PDE3B: variants seen among roughly 807,000 people sequenced by gnomAD.
PDE3B encodes cGMP-inhibited 3',5'-cyclic phosphodiesterase 3B.
A neutral mutation model predicts 116.8 loss-of-function variants in PDE3B; 66 were observed. The ratio of observed to expected loss-of-function variants is 0.56; its 90% CI spans 0.46 to 0.69. The LOEUF (loss-of-function observed/expected upper bound fraction) is 0.69, where lower values mean the gene tolerates loss of function less well. Ranked by LOEUF, PDE3B falls within the 30% of genes least tolerant of loss-of-function variation. The pLI, the probability that PDE3B is intolerant of heterozygous loss-of-function variation, is 0.00. For missense variants in PDE3B, 1,384 were observed against 1,368.1 expected (o/e 1.01, Z -0.18); for synonymous variants, 595 against 533.6 (o/e 1.12, Z -1.59).
chr11:14,811,697 T>C (rs1859137490), intron 5 of PDE3B, among the ~76,000 whole-genome samples: 1 of 152,010 alleles, frequency 6.6e-6, no homozygotes, highest in South Asian at 2.1e-4. Context: ...GGTAGCTTGA[T>C]GGGGATGGCA....
intron 1 of PDE3B, among the ~76,000 whole-genome samples, chr11:14,695,454 T>C (rs1855178651): frequency 6.6e-6 from 1 of 152,198 alleles, no homozygotes; most frequent in Non-Finnish European, 1.5e-5. Flanking sequence ...ACTAATTTTG[T>C]TGGCTATATA....
At position 14,861,350 on chromosome 11, in the gene PDE3B, A is replaced by G; in HGVS notation, c.2870A>G (p.Asn957Ser). 2 of 1,613,456 alleles carry G rather than the reference A, an allele frequency of 1.2e-6. No individual in the cohort carries two copies. The highest frequency in any genetic ancestry group is 2.2e-5 in the East Asian group (1 of 44,840). The part of the protein sequence containing the change: ...LHLKWTEGIV[N>S]EFYEQGDEEA... The stretch of plus-strand genomic sequence containing the variant: ...TTGAAATGGACAGAAGGCATTGTCA[A>G]TGAATTTTATGAGCAGGTAAGTTGA... Residue 957 changes from asparagine (N) to serine (S), a missense_variant, in exon 14 of 16, where the codon AAT (asparagine) becomes AGT (serine). This residue lies in a region of PDE3B where 428 missense variants were observed against 561.4 expected (regional missense o/e 0.76). Transcript: ENST00000282096.
intron 1 of PDE3B, among the ~76,000 whole-genome samples, chr11:14,672,281 A>AC (rs1854395674): frequency 6.6e-6 from 1 of 151,876 alleles, no homozygotes; most frequent in Admixed American, 6.6e-5. Flanking sequence ...TTCTATCTGA[A>AC]CACAGGGCTT....
the PDE3B span, chr11:14,891,059 T>G: frequency 1.0e-6 from 1 of 985,406 alleles, no homozygotes; most frequent in Non-Finnish European, 1.2e-6. Context: ...GGCCTGTAGT[T>G]GCATATAAAT....
At chr11:14,748,913 G>C (rs557231844) in intron 1 of PDE3B, among the ~76,000 whole-genome samples, 22 of 145,624 alleles carry the variant, frequency 1.5e-4, no homozygotes, top group Non-Finnish European at 2.8e-4. Flanking sequence ...TTTTGAGACA[G>C]AGTTTCGCTC....
chr11:14,716,326 G>T (rs896271958), intron 1 of PDE3B, among the ~76,000 whole-genome samples: 1 of 151,282 alleles, frequency 6.6e-6, no homozygotes, highest in Non-Finnish European at 1.5e-5. Context: ...ACTGCAAGGC[G>T]GCAGCGAGGC....
chr11:14,799,975 T>C (rs1190601088), intron 4 of PDE3B, among the ~76,000 whole-genome samples: 1 of 152,200 alleles, frequency 6.6e-6, no homozygotes, highest in Non-Finnish European at 1.5e-5. Flanking sequence ...GTCATTATGA[T>C]GCTAGCTGGT....
intron 1 of PDE3B, among the ~76,000 whole-genome samples, chr11:14,713,857 A>T (rs1383469625): frequency 6.6e-6 from 1 of 152,220 alleles, no homozygotes; most frequent in Admixed American, 6.5e-5. Context: ...ATTTCAGTAG[A>T]TAAAGATGGT....
intron 1 of PDE3B, among the ~76,000 whole-genome samples, chr11:14,654,874 G>T (rs1236531374): frequency 6.7e-6 from 1 of 149,878 alleles, no homozygotes; most frequent in African/African-American, 2.5e-5. Context: ...TGTGTGAATG[G>T]CTTCCAAACA....
At chr11:14,700,182 T>G (rs1216449965) in intron 1 of PDE3B, among the ~76,000 whole-genome samples, 1 of 151,798 alleles carries the variant, frequency 6.6e-6, no homozygotes, top group Non-Finnish European at 1.5e-5. Context: ...ATGTGGCTGC[T>G]AATATTTAGT....
At chr11:14,724,753 G>A (rs1432179324) in intron 1 of PDE3B, among the ~76,000 whole-genome samples, 1 of 152,172 alleles carries the variant, frequency 6.6e-6, no homozygotes, top group Non-Finnish European at 1.5e-5. Context: ...CCTTGTGAGA[G>A]GGAGTGAGAA....
chr11:14,843,059 T>G (rs1262863245), intron 11 of PDE3B, among the ~76,000 whole-genome samples: 1 of 152,198 alleles, frequency 6.6e-6, no homozygotes, highest in African/African-American at 2.4e-5. Context: ...TTTTTCCTTC[T>G]TATACTTTTT....
chr11:14,655,225 G>A (rs889015096), intron 1 of PDE3B, among the ~76,000 whole-genome samples: 3 of 152,008 alleles, frequency 2.0e-5, no homozygotes, highest in African/African-American at 7.2e-5. Flanking sequence ...AAAACACTTT[G>A]CTAGAGAAAA....
In PDE3B at chr11:14,644,146, C is replaced by T. The variant is rs765870867; in HGVS notation, c.71C>T (p.Pro24Leu). ...CCGCCGGATGGGGCCGGCTCGCCCC[C>T]CGAGAGTCTGAGGAACGGCTACGTG... ...LQPPDGAGSP[P>L]ESLRNGYVKS... Residue 24 changes from proline to leucine, a missense_variant, in exon 1 of 16, where the codon CCC becomes CTC. By Grantham distance (98) the Pro-to-Leu change is moderately conservative (BLOSUM62 -3). Coordinates refer to ENST00000282096, the MANE Select transcript of PDE3B (RefSeq NM_000922.4). 2 of 1,592,300 alleles carry T rather than the reference C, an allele frequency of 1.3e-6. No individual in the cohort carries two copies. The highest frequency in any genetic ancestry group is 1.3e-5 in the African/African-American group (1 of 74,170).
chr11:14,851,454 G>T lies in PDE3B; in HGVS notation c.2520+7428G>T. On this transcript the variant is annotated intron_variant, in intron 12 of 15. Transcript: ENST00000282096. Reference sequence around the variant, plus strand: ...AATTGTGAGCATGTGTGTTGGGGTCGGGGGAAGGCATGTAGGGAACTATGA... The same window carrying T: ...AATTGTGAGCATGTGTGTTGGGGTCTGGGGAAGGCATGTAGGGAACTATGA... 1.3e-5 allele frequency among the ~76,000 whole-genome samples: 2 copies of T among 151,768 alleles called. 1 individual carries two copies. Among genetic ancestry groups the T allele is most frequent in the East Asian group, 3.9e-4 (2 of 5,174 alleles).
intron 1 of PDE3B, among the ~76,000 whole-genome samples, chr11:14,663,373 A>C (rs922944577): frequency 6.6e-6 from 1 of 152,212 alleles, no homozygotes; most frequent in African/African-American, 2.4e-5. Context: ...TGTAAAGACC[A>C]TCAAGGCTAG....
intron 1 of PDE3B, among the ~76,000 whole-genome samples, chr11:14,693,512 G>A (rs571882955): frequency 5.3e-4 from 80 of 152,222 alleles, no homozygotes; most frequent in African/African-American, 1.9e-3. Context: ...TTCCCATTCT[G>A]AAAATCCTAG....
intron 1 of PDE3B, among the ~76,000 whole-genome samples, chr11:14,755,892 A>G (rs1275146998): frequency 6.6e-6 from 1 of 152,214 alleles, no homozygotes; most frequent in East Asian, 1.9e-4. Flanking sequence ...CATTCTTTTA[A>G]GTGAGCTCAT....
the PDE3B span, chr11:14,886,930 C>T: frequency 6.6e-6 from 1 of 152,258 alleles, no homozygotes; most frequent in East Asian, 1.9e-4. Context: ...AGTAATGGGG[C>T]CACCAGAGTC....
Sources: allele counts gnomAD v4.1 joint callset (sites outside exome capture counted in the v4.1 genomes callset), GRCh38; gene constraint gnomAD v4.1.1; regional missense constraint gnomAD v4.1.1; transcripts MANE v1.5; gene names NCBI Gene and HGNC (gene_info 2026-07-23, HGNC 2026-07-21).